SETD5: variants seen among roughly 807,000 people sequenced by gnomAD.
The protein encoded by SETD5 is histone-lysine N-methyltransferase SETD5.
Under a neutral mutation model 153.3 loss-of-function variants are expected in SETD5, and 44 were observed. That is an observed-to-expected ratio of 0.29 (90% confidence interval 0.23 to 0.37). SETD5 has a LOEUF of 0.37. SETD5 is among the 10% of genes least tolerant of loss of function. The pLI is 1.00. For missense variants in SETD5, 1,544 were observed against 1,768.0 expected (o/e 0.87, Z 2.27); for synonymous variants, 716 against 645.2 (o/e 1.11, Z -1.66).
intron 1 of SETD5, among the ~76,000 whole-genome samples, chr3:9,423,789 A>G (rs1237236880): frequency 3.3e-5 from 5 of 152,186 alleles, no homozygotes; most frequent in Non-Finnish European, 7.4e-5. Context: ...TAAGGTGTTA[A>G]TAACTCTGGC....
chr3:9,465,154 CAT>C (rs2044405997), intron 18 of SETD5, among the ~76,000 whole-genome samples: 1 of 152,174 alleles, frequency 6.6e-6, no homozygotes, highest in Non-Finnish European at 1.5e-5. Context: ...ATTTAGAAAA[CAT>C]TGGGGTATGG....
At chr3:9,432,329 G>A (rs993656391) in intron 3 of SETD5, 7 of 982,646 alleles carry the variant, frequency 7.1e-6, no homozygotes, top group Non-Finnish European at 8.5e-6. Context: ...AACTGGGTGA[G>A]TTGGATACAT....
chr3:9,473,579 G>C (rs758960429), intron 20 of SETD5, 42 bp downstream of exon 20: 1 of 1,547,250 alleles, frequency 6.5e-7, no homozygotes, highest in Non-Finnish European at 8.8e-7. Flanking sequence ...TTGGGGGTGG[G>C]GGGGAGTATA....
At chr3:9,436,027 C>A in intron 7 of SETD5, 121 bp downstream of exon 7, 2 of 890,680 alleles carry the variant, frequency 2.2e-6, no homozygotes, top group Non-Finnish European at 3.4e-6. Context: ...CACTTTTGTT[C>A]TACTTGCAAA....
At chr3:9,439,837 T>C (rs996947008) in intron 7 of SETD5, among the ~76,000 whole-genome samples, 10 of 152,214 alleles carry the variant, frequency 6.6e-5, no homozygotes, top group African/African-American at 2.4e-4. Flanking sequence ...TTGTTGAAAA[T>C]AGAGTGTTAG....
chr3:9,425,027 T>C (rs943574290), intron 2 of SETD5, among the ~76,000 whole-genome samples: 3 of 149,412 alleles, frequency 2.0e-5, no homozygotes, highest in Non-Finnish European at 4.4e-5. Flanking sequence ...TTTTATGAAA[T>C]AGAAATTTAT....
At chr3:9,442,273 G>T in intron 10 of SETD5, 28 bp downstream of exon 10, 2 of 1,460,322 alleles carry the variant, frequency 1.4e-6, no homozygotes, top group South Asian at 2.3e-5. Flanking sequence ...ACTTCCCTTT[G>T]ACTGGAACCA....
chr3:9,435,488 G>C (rs775755625), intron 6 of SETD5, among the ~76,000 whole-genome samples: 48 of 152,326 alleles, frequency 3.2e-4, no homozygotes, highest in Non-Finnish European at 5.6e-4. Context: ...GCGAAGCTTA[G>C]GGACTGAATA....
rs116695009 is a variant in SETD5 at position 9,469,871 on chromosome 3, C to T, written c.2725-588C>T. The stretch of plus-strand genomic sequence containing the variant: ...TGGCCAGAAAGTTGTATGAGAAACA[C>T]AGCTTCTTTAACAGTGAAAGTGAGT... On this transcript the variant is annotated intron_variant, in intron 18 of 22. Transcript: ENST00000402198. 5.3e-3 allele frequency among the ~76,000 whole-genome samples: 810 copies of T among 152,248 alleles called. 13 individuals carry two copies. Among genetic ancestry groups the T allele is most frequent in the African/African-American group, 0.018 (760 of 41,534 alleles).
chr3:9,442,097 A>G, intron 9 of SETD5, 31 bp from the exon 10 acceptor site: 1 of 1,459,850 alleles, frequency 6.9e-7, no homozygotes, highest in Non-Finnish European at 9.5e-7. Flanking sequence ...ATTTGTGTTG[A>G]GAATTACAGG....
At chr3:9,429,538 C>T (rs1303415745) in intron 3 of SETD5, among the ~76,000 whole-genome samples, 1 of 152,066 alleles carries the variant, frequency 6.6e-6, no homozygotes, top group African/African-American at 2.4e-5. Flanking sequence ...AGAGGACCTT[C>T]AAAATCAGTG....
chr3:9,407,268 C>T (rs1293226040), intron 1 of SETD5, among the ~76,000 whole-genome samples: 1 of 152,168 alleles, frequency 6.6e-6, no homozygotes, highest in Non-Finnish European at 1.5e-5. Context: ...GCAGAGGTTG[C>T]AGTGAGCCAA....
At chr3:9,457,822 A>G (rs979001987) in intron 17 of SETD5, among the ~76,000 whole-genome samples, 2 of 150,148 alleles carry the variant, frequency 1.3e-5, no homozygotes, top group African/African-American at 4.9e-5. Context: ...ATATGTGTAT[A>G]TATATATTTC....
At chr3:9,418,901 A>C (rs953383126) in intron 1 of SETD5, among the ~76,000 whole-genome samples, 2 of 150,912 alleles carry the variant, frequency 1.3e-5, no homozygotes, top group African/African-American at 4.9e-5. Context: ...ATCTTGGCTC[A>C]CTGCAACCTC....
chr3:9,410,010 T>G (rs1041664737), intron 1 of SETD5, among the ~76,000 whole-genome samples: 2 of 152,200 alleles, frequency 1.3e-5, no homozygotes, highest in Admixed American at 6.5e-5. Flanking sequence ...GTATATCCCT[T>G]TAGAGATAGA....
intron 1 of SETD5, among the ~76,000 whole-genome samples, chr3:9,407,761 G>T (rs1310449122): frequency 6.6e-6 from 1 of 152,152 alleles, no homozygotes; most frequent in Non-Finnish European, 1.5e-5. Context: ...AACACTTTGG[G>T]ATGCCAAGGT....
At chr3:9,443,506 GC>G in intron 11 of SETD5, 89 bp downstream of exon 11, 7 of 708,652 alleles carry the variant, frequency 9.9e-6, no homozygotes, top group Non-Finnish European at 1.4e-5. Flanking sequence ...CTTGTTTCTT[GC>G]CTTTTCCTTT....
chr3:9,407,629 T>C (rs2035913638), intron 1 of SETD5, among the ~76,000 whole-genome samples: 2 of 152,212 alleles, frequency 1.3e-5, no homozygotes, highest in South Asian at 4.1e-4. Context: ...AACACTTTAA[T>C]ACTAGGAATA....
chr3:9,425,530 A>G (rs1344308993), intron 2 of SETD5, among the ~76,000 whole-genome samples: 1 of 150,466 alleles, frequency 6.6e-6, no homozygotes, highest in Non-Finnish European at 1.5e-5. Flanking sequence ...AAAAATATCA[A>G]CTATCATCTT....
Sources: gnomAD v4.1 joint callset for allele counts (sites outside exome capture counted in the v4.1 genomes callset) on GRCh38, gnomAD v4.1.1 for gene constraint, MANE v1.5 for transcripts, NCBI Gene and HGNC (gene_info 2026-07-23, HGNC 2026-07-21) for gene names.